Variants in GRK3 observed in about 807,000 individuals in gnomAD.
The protein encoded by GRK3 is G protein-coupled receptor kinase 3, also known as adrenergic, beta, receptor kinase 2.
GRK3 carries 54 observed loss-of-function variants against 95.7 expected under a neutral mutation model. That is an observed-to-expected ratio of 0.56 (90% CI 0.45 to 0.71). The LOEUF is 0.71. GRK3 is among the 30% of genes least tolerant of loss of function. GRK3 has a pLI of 0.00. For synonymous variants in GRK3, 281 were observed against 290.8 expected, an observed-to-expected ratio of 0.97 and a Z score of 0.34; for missense variants, 649 against 851.2, an observed-to-expected ratio of 0.76 and a Z score of 2.96.
At position 25,615,940 on chromosome 22, in the gene GRK3, G is replaced by A. The variant is rs113400703; in HGVS notation, c.190+11487G>A. On this transcript the variant is annotated intron_variant, in intron 2 of 20. Transcript: ENST00000324198. ...GTACCCAGGTGAAGTGTTGAGCAGG[G>A]CAAAGACCCTAAGGCTGGAACCTCA... 1.6e-3 allele frequency among the ~76,000 whole-genome samples: 233 copies of A among 148,134 alleles called. 35 individuals are homozygous for A. Among genetic ancestry groups the A allele is most frequent in the African/African-American group, 5.8e-3 (219 of 37,564 alleles).
At chr22:25,672,392 C>T (rs1364607085) in intron 7 of GRK3, 45 bp downstream of exon 7, 1 of 1,033,866 alleles carries the variant, frequency 9.7e-7, no homozygotes, top group Admixed American at 2.2e-5. Context: ...ATAAAAACTT[C>T]CTCTGGCTTA....
chr22:25,647,321 C>A, intron 3 of GRK3: 1 of 1,226,576 alleles, frequency 8.2e-7, no homozygotes, highest in Non-Finnish European at 1.2e-6. Flanking sequence ...TGAAAATACT[C>A]CAGAGCCTGT....
chr22:25,695,501 CACA>C (rs1470162094), intron 13 of GRK3, among the ~76,000 whole-genome samples: 1 of 152,020 alleles, frequency 6.6e-6, no homozygotes, highest in Non-Finnish European at 1.5e-5. Flanking sequence ...TTTGATAAGC[CACA>C]TTGTAGGAAT....
At position 25,687,587 on chromosome 22, in the gene GRK3, G is replaced by C. The variant is rs1245353692; in HGVS notation, c.877G>C (p.Glu293Gln). 1 of 1,614,144 alleles carries C rather than the reference G, an allele frequency of 6.2e-7. No individual in the cohort carries two copies. The highest frequency in any genetic ancestry group is 8.5e-7 in the Non-Finnish European group (1 of 1,179,988). The change falls in exon 11 of 21, where the codon GAG becomes CAG. Residue 293 changes from glutamate (E) to glutamine (Q), a missense_variant. Coordinates refer to ENST00000324198, the MANE Select transcript of GRK3 (RefSeq NM_005160.4). ...LSQHGVFSEK[E>Q]MRFYATEIIL... The stretch of plus-strand genomic sequence containing the variant: ...ACAACACGGTGTGTTCTCTGAGAAG[G>C]AGATGCGGTTTTATGCCACTGAAAT...
At chr22:25,722,229 C>G in intron 20 of GRK3, 60 bp from the exon 21 acceptor site, 1 of 1,588,994 alleles carries the variant, frequency 6.3e-7, no homozygotes, top group Non-Finnish European at 8.6e-7. Flanking sequence ...TAGGGGCAGC[C>G]TCCGCTGTTG....
chr22:25,711,867 C>A (rs2085346736), intron 17 of GRK3, among the ~76,000 whole-genome samples: 1 of 152,206 alleles, frequency 6.6e-6, no homozygotes, highest in South Asian at 2.1e-4. Flanking sequence ...CGTTGCCTTC[C>A]CCACCAAGTA....
At chr22:25,614,701 A>G (rs1176213626) in intron 2 of GRK3, among the ~76,000 whole-genome samples, 1 of 152,162 alleles carries the variant, frequency 6.6e-6, no homozygotes, top group Non-Finnish European at 1.5e-5. Flanking sequence ...CATGCATATG[A>G]AGTTCTTTAA....
chr22:25,621,264 T>C (rs113201666), intron 2 of GRK3, among the ~76,000 whole-genome samples: 6,784 of 152,348 alleles, frequency 0.045, 230 homozygotes, highest in African/African-American at 0.088. Context: ...GAATTCCCCT[T>C]TGGGGGTCTG....
At chr22:25,632,826 T>G (rs1159066042) in intron 2 of GRK3, among the ~76,000 whole-genome samples, 1 of 151,904 alleles carries the variant, frequency 6.6e-6, no homozygotes, top group East Asian at 1.9e-4. Flanking sequence ...GTTTCTGGAC[T>G]GTATTCTTTT....
At chr22:25,670,116 C>G (rs2084969248) in intron 6 of GRK3, among the ~76,000 whole-genome samples, 1 of 152,150 alleles carries the variant, frequency 6.6e-6, no homozygotes, top group African/African-American at 2.4e-5. Flanking sequence ...AAAAAAGATG[C>G]TATTGTAATT....
chr22:25,586,783 G>A (rs374819756), intron 1 of GRK3, among the ~76,000 whole-genome samples: 1 of 152,260 alleles, frequency 6.6e-6, no homozygotes, highest in African/African-American at 2.4e-5. Context: ...AATCAAGTGT[G>A]GCTGCAGTGT....
intron 2 of GRK3, among the ~76,000 whole-genome samples, chr22:25,618,208 C>T (rs77951436): frequency 0.023 from 3,449 of 152,328 alleles, 63 homozygotes; most frequent in Middle Eastern, 0.068. Context: ...TGCACAAGCC[C>T]TGTGAACATA....
chr22:25,581,352 A>G (rs1275157884), intron 1 of GRK3: 7 of 152,238 alleles, frequency 4.6e-5, no homozygotes, highest in Admixed American at 3.3e-4. Context: ...AGTTTTCCCA[A>G]TGTCATGTGT....
intron 1 of GRK3, among the ~76,000 whole-genome samples, chr22:25,569,174 G>A (rs1931596659): frequency 6.6e-6 from 1 of 152,180 alleles, no homozygotes; most frequent in Non-Finnish European, 1.5e-5. Context: ...AGCACAAATA[G>A]CCTTTAGAAA....
intron 15 of GRK3, among the ~76,000 whole-genome samples, chr22:25,704,567 C>T (rs2085285176): frequency 1.3e-5 from 2 of 152,122 alleles, no homozygotes; most frequent in South Asian, 2.1e-4. Flanking sequence ...TGTGCTACCA[C>T]GCCTGGCTAA....
intron 1 of GRK3, among the ~76,000 whole-genome samples, chr22:25,579,457 G>A (rs1370469127): frequency 6.6e-6 from 1 of 151,354 alleles, no homozygotes; most frequent in Non-Finnish European, 1.5e-5. Context: ...ATGAATGAGG[G>A]GACTTCTTTT....
intron 9 of GRK3, among the ~76,000 whole-genome samples, chr22:25,679,362 C>T (rs1302097376): frequency 2.0e-5 from 3 of 152,178 alleles, no homozygotes; most frequent in Admixed American, 1.3e-4. Context: ...CCCTAGTCAG[C>T]GTTTCACTGG....
intron 4 of GRK3, among the ~76,000 whole-genome samples, chr22:25,662,885 A>G (rs16980527): frequency 0.15 from 22,586 of 152,020 alleles, 3,821 homozygotes; most frequent in African/African-American, 0.42. Context: ...AGGGGAGGAT[A>G]CCATTTTAAT....
rs574881186 is a variant in GRK3, at chr22:25,705,501, G to A, written c.1328+1292G>A. On this transcript the variant is annotated intron_variant, in intron 15 of 20. Transcript: ENST00000324198. The stretch of plus-strand genomic sequence containing the variant: ...GTTAATTTCAAAAGTTGCAAATGAA[G>A]AAGGGGTATTTACACTGTTAAGGAA... Among the ~76,000 whole-genome samples the A allele has an allele frequency of 2.6e-5, 4 of 152,282 alleles. No homozygotes were observed. The East Asian group carries it at 7.7e-4, about 29-fold the overall frequency.
Sources: allele counts gnomAD v4.1 joint callset (sites outside exome capture counted in the v4.1 genomes callset), GRCh38; gene constraint gnomAD v4.1.1; transcripts MANE v1.5; gene names NCBI Gene and HGNC (gene_info 2026-07-23, HGNC 2026-07-21).